The following CTNNA2 variants were observed in gnomAD, a reference collection of about 807,000 sequenced individuals.
The protein encoded by CTNNA2 is catenin alpha 2.
CTNNA2 carries 42 observed loss-of-function variants against 101.0 expected under a neutral mutation model. The observed-to-expected ratio is 0.42, with a 90% CI of 0.32 to 0.54. The LOEUF (loss-of-function observed/expected upper bound fraction) is 0.54, where lower values mean the gene tolerates loss of function less well. Ranked by LOEUF, CTNNA2 falls within the 20% of genes least tolerant of loss-of-function variation. The pLI, the probability that CTNNA2 is intolerant of heterozygous loss-of-function variation, is 0.14. For missense variants in CTNNA2, 871 were observed against 1,223.1 expected (o/e 0.71, Z 4.29); for synonymous variants, 450 against 456.4 (o/e 0.99, Z 0.18).
intron 7 of CTNNA2, among the ~76,000 whole-genome samples, chr2:80,047,838 A>C (rs1696627567): frequency 6.6e-6 from 1 of 152,202 alleles, no homozygotes; most frequent in Non-Finnish European, 1.5e-5. Flanking sequence ...ACAATTTCCC[A>C]GGTCAAATTT....
At chr2:79,927,278 G>T (rs553367118) in intron 7 of CTNNA2, among the ~76,000 whole-genome samples, 7 of 152,206 alleles carry the variant, frequency 4.6e-5, no homozygotes, top group African/African-American at 1.7e-4. Context: ...GTTGGGCTTG[G>T]TGTTATCATG....
chr2:80,040,757 C>G (rs1695992785), intron 7 of CTNNA2, among the ~76,000 whole-genome samples: 1 of 152,116 alleles, frequency 6.6e-6, no homozygotes, highest in African/African-American at 2.4e-5. Context: ...ATTTTACTGT[C>G]TCAATGATTT....
At chr2:79,920,620 C>G (rs1051852029) in intron 7 of CTNNA2, among the ~76,000 whole-genome samples, 1 of 152,192 alleles carries the variant, frequency 6.6e-6, no homozygotes. Context: ...AATGATTGAT[C>G]TTCTTTCTCT....
At chr2:80,337,545 C>T (rs943438995) in intron 7 of CTNNA2, among the ~76,000 whole-genome samples, 4 of 133,192 alleles carry the variant, frequency 3.0e-5, no homozygotes, top group Non-Finnish European at 6.2e-5. Context: ...TGCAGAAGAA[C>T]GATACTCCAC....
chr2:80,076,581 C>CT (rs941183954), intron 7 of CTNNA2, among the ~76,000 whole-genome samples: 58 of 145,500 alleles, frequency 4.0e-4, no homozygotes, highest in Middle Eastern at 3.6e-3. Flanking sequence ...CTGCACTTGG[C>CT]TTTTTTTTTT....
At chr2:79,619,761 A>C (rs1214630389) in intron 1 of CTNNA2, among the ~76,000 whole-genome samples, 1 of 152,212 alleles carries the variant, frequency 6.6e-6, no homozygotes, top group Non-Finnish European at 1.5e-5. Context: ...CTGACTTAAA[A>C]GTAGATGCAT....
At chr2:79,773,836 C>G (rs762848569) in intron 3 of CTNNA2, among the ~76,000 whole-genome samples, 10 of 151,978 alleles carry the variant, frequency 6.6e-5, no homozygotes, top group Non-Finnish European at 1.0e-4. Context: ...TTTTTTCTGT[C>G]CACTAGATAG....
intron 7 of CTNNA2, among the ~76,000 whole-genome samples, chr2:80,195,886 G>A (rs1558892765): frequency 6.6e-6 from 1 of 152,102 alleles, no homozygotes. Flanking sequence ...TTGAGAAGTA[G>A]TGTTGCATTG....
intron 4 of CTNNA2, among the ~76,000 whole-genome samples, chr2:79,427,931 A>G (rs1678610353): frequency 6.6e-6 from 1 of 152,110 alleles, no homozygotes; most frequent in South Asian, 2.1e-4. Flanking sequence ...AGGAAAATGA[A>G]GGGAAAATAC....
At chr2:80,105,792 T>C (rs1020385229) in intron 7 of CTNNA2, among the ~76,000 whole-genome samples, 1 of 151,816 alleles carries the variant, frequency 6.6e-6, no homozygotes, top group African/African-American at 2.4e-5. Flanking sequence ...AATAGACAAA[T>C]CCATTTATGA....
At chr2:79,388,753 C>T (rs148047068) in intron 4 of CTNNA2, among the ~76,000 whole-genome samples, 12 of 152,146 alleles carry the variant, frequency 7.9e-5, no homozygotes, top group East Asian at 7.7e-4. Context: ...TCCTAATACA[C>T]GGTCACCATC....
At chr2:80,623,302 T>C (rs1050172984) in intron 18 of CTNNA2, among the ~76,000 whole-genome samples, 3 of 151,876 alleles carry the variant, frequency 2.0e-5, no homozygotes, top group Non-Finnish European at 4.4e-5. Flanking sequence ...ACTATGATGA[T>C]AGTAATCATT....
chr2:79,326,372 A>G (rs1414297476), intron 3 of CTNNA2, among the ~76,000 whole-genome samples: 1 of 152,052 alleles, frequency 6.6e-6, no homozygotes, highest in African/African-American at 2.4e-5. Flanking sequence ...AAGTAATAGC[A>G]GGTTCTAAAC....
At chr2:80,259,575 A>G (rs1672437171) in intron 7 of CTNNA2, among the ~76,000 whole-genome samples, 1 of 151,652 alleles carries the variant, frequency 6.6e-6, no homozygotes, top group African/African-American at 2.4e-5. Context: ...TGTGGTTTTA[A>G]CCCTTTTCCA....
At chr2:80,559,880 A>T (rs1353249655) in intron 12 of CTNNA2, among the ~76,000 whole-genome samples, 1 of 142,676 alleles carries the variant, frequency 7.0e-6, no homozygotes, top group African/African-American at 2.6e-5. Context: ...TATCATATTT[A>T]TATATATATA....
chr2:79,646,879 T>C (rs1680860679), intron 1 of CTNNA2, among the ~76,000 whole-genome samples: 1 of 152,198 alleles, frequency 6.6e-6, no homozygotes, highest in African/African-American at 2.4e-5. Context: ...CTAGGAGCTT[T>C]CTCATAGGCT....
chr2:79,357,759 A>C (rs1183743106), intron 3 of CTNNA2, among the ~76,000 whole-genome samples: 5 of 152,224 alleles, frequency 3.3e-5, no homozygotes, highest in African/African-American at 9.6e-5. Context: ...CCTTCAAATG[A>C]GCAACAGTAA....
chr2:80,318,513 G>A (rs1022544364), intron 7 of CTNNA2, among the ~76,000 whole-genome samples: 11 of 152,206 alleles, frequency 7.2e-5, no homozygotes, highest in Middle Eastern at 3.4e-3. Context: ...TGGGAGTTGG[G>A]TTTGAGAATT....
intron 2 of CTNNA2, among the ~76,000 whole-genome samples, chr2:79,736,125 G>A (rs1303723138): frequency 6.6e-6 from 1 of 152,114 alleles, no homozygotes; most frequent in Non-Finnish European, 1.5e-5. Flanking sequence ...AAATAAGTCT[G>A]TATTGTCACC....
Sources: gnomAD v4.1 joint callset for allele counts (sites outside exome capture counted in the v4.1 genomes callset) on GRCh38, gnomAD v4.1.1 for gene constraint, MANE v1.5 for transcripts, NCBI Gene and HGNC (gene_info 2026-07-23, HGNC 2026-07-21) for gene names.